MARCHF11: variants seen among roughly 807,000 people sequenced by gnomAD.
The protein encoded by MARCHF11 is membrane associated ring-CH-type finger 11.
A neutral mutation model predicts 37.3 loss-of-function variants in MARCHF11; 29 were observed. That is an observed-to-expected ratio of 0.78 (90% CI 0.58 to 1.06). MARCHF11 has a LOEUF of 1.06. Among genes scored for constraint, MARCHF11 ranks in the 50% least tolerant of loss-of-function variants. The pLI, the probability that MARCHF11 is intolerant of heterozygous loss-of-function variation, is 0.00. For missense variants in MARCHF11, 482 were observed against 533.4 expected, an observed-to-expected ratio of 0.90 and a Z score of 0.95; for synonymous variants, 233 against 228.0, an observed-to-expected ratio of 1.02 and a Z score of -0.20.
intron 2 of MARCHF11, among the ~76,000 whole-genome samples, chr5:16,144,599 T>G (rs576479387): frequency 6.6e-6 from 1 of 152,198 alleles, no homozygotes. Flanking sequence ...TGCATTCTGA[T>G]TCTTAATCAA....
chr5:16,136,197 GAACA>G (rs1737610573), intron 2 of MARCHF11, among the ~76,000 whole-genome samples: 2 of 151,670 alleles, frequency 1.3e-5, no homozygotes, highest in African/African-American at 2.4e-5. Flanking sequence ...AAAGAAAACA[GAACA>G]AATAGGACTA....
At position 16,121,908 on chromosome 5, in the gene MARCHF11, G is replaced by A. The variant is rs142341563; in HGVS notation, c.694-30827C>T. On this transcript the variant is annotated intron_variant, in intron 2 of 3. Transcript: ENST00000332432. ...ACAGTGCTAACACTTTTGAGCAACC[G>A]CACTCTGCCAGGTACTAGTCTATGT... Among the ~76,000 whole-genome samples, 560 of 152,206 alleles carry A rather than the reference G, an allele frequency of 3.7e-3. 4 individuals are homozygous for A. The highest frequency in any genetic ancestry group is 0.013 in the African/African-American group (541 of 41,514).
chr5:16,156,707 T>C (rs1386974578), intron 2 of MARCHF11, among the ~76,000 whole-genome samples: 1 of 151,882 alleles, frequency 6.6e-6, no homozygotes. Context: ...ATTAAGTGAT[T>C]TCGTCCTTGT....
intron 2 of MARCHF11, among the ~76,000 whole-genome samples, chr5:16,093,104 GA>G (rs1315976377): frequency 6.6e-6 from 1 of 152,166 alleles, no homozygotes; most frequent in Non-Finnish European, 1.5e-5. Flanking sequence ...ACATCAGATA[GA>G]TGAAAAACAA....
chr5:16,134,618 CA>C (rs1446471181), intron 2 of MARCHF11, among the ~76,000 whole-genome samples: 1 of 151,944 alleles, frequency 6.6e-6, no homozygotes, highest in African/African-American at 2.4e-5. Context: ...AAATTATCAC[CA>C]AAAAAATTAT....
chr5:16,178,624 G>T (rs1322780659), intron 1 of MARCHF11, among the ~76,000 whole-genome samples: 3 of 152,206 alleles, frequency 2.0e-5, no homozygotes, highest in Non-Finnish European at 4.4e-5. Context: ...GAAAGACTCT[G>T]CCCTTTCTGG....
intron 2 of MARCHF11, among the ~76,000 whole-genome samples, chr5:16,160,329 A>AT: frequency 3.7e-4 from 1 of 2,714 alleles, no homozygotes; most frequent in South Asian, 0.038. Flanking sequence ...AACATTTAAT[A>AT]ATTTAATATA....
chr5:16,097,102 C>G (rs1736881299), intron 2 of MARCHF11, among the ~76,000 whole-genome samples: 1 of 152,184 alleles, frequency 6.6e-6, no homozygotes, highest in Non-Finnish European at 1.5e-5. Context: ...AGAACACCTG[C>G]TCTTAAGAGG....
intron 2 of MARCHF11, among the ~76,000 whole-genome samples, chr5:16,156,288 A>G (rs1737976762): frequency 6.6e-6 from 1 of 151,922 alleles, no homozygotes; most frequent in South Asian, 2.1e-4. Context: ...TCTTACTTCT[A>G]AAGTACTGGC....
intron 1 of MARCHF11, among the ~76,000 whole-genome samples, chr5:16,178,321 T>C: frequency 6.6e-6 from 1 of 152,344 alleles, no homozygotes; most frequent in Middle Eastern, 3.4e-3. Context: ...ACTATATTCC[T>C]GAAAGCCTGT....
intron 2 of MARCHF11, among the ~76,000 whole-genome samples, chr5:16,097,462 T>C (rs13171582): frequency 0.3 from 45,145 of 151,972 alleles, 7,946 homozygotes; most frequent in East Asian, 0.58. Context: ...TTAGAAAACA[T>C]AGAACCATTT....
At chr5:16,118,952 T>C (rs192225532) in intron 2 of MARCHF11, among the ~76,000 whole-genome samples, 84 of 151,976 alleles carry the variant, frequency 5.5e-4, no homozygotes, top group Admixed American at 7.2e-4. Context: ...CAAGGGAAGG[T>C]TTGTCTGTTA....
intron 2 of MARCHF11, among the ~76,000 whole-genome samples, chr5:16,109,233 C>A (rs577883719): frequency 6.6e-6 from 1 of 151,994 alleles, no homozygotes; most frequent in Non-Finnish European, 1.5e-5. Context: ...AATAAGATGA[C>A]TGGTGGCTCC....
intron 2 of MARCHF11, among the ~76,000 whole-genome samples, chr5:16,105,474 A>G (rs550737149): frequency 1.3e-5 from 2 of 152,232 alleles, no homozygotes; most frequent in South Asian, 2.1e-4. Flanking sequence ...TTTCCTCACT[A>G]AAGAGATCTT....
chr5:16,097,036 T>C (rs972074575), intron 2 of MARCHF11, among the ~76,000 whole-genome samples: 5 of 152,182 alleles, frequency 3.3e-5, no homozygotes, highest in East Asian at 1.9e-4. Flanking sequence ...ATTTATAGTA[T>C]GATGATTTAT....
intron 2 of MARCHF11, among the ~76,000 whole-genome samples, chr5:16,164,769 A>G (rs894609839): frequency 1.3e-5 from 2 of 152,092 alleles, no homozygotes; most frequent in African/African-American, 4.8e-5. Flanking sequence ...CTTTAAAGGC[A>G]TCTTTCAAAT....
At chr5:16,075,025 T>C (rs750491799) in intron 3 of MARCHF11, among the ~76,000 whole-genome samples, 13 of 152,198 alleles carry the variant, frequency 8.5e-5, no homozygotes, top group Non-Finnish European at 1.2e-4. Flanking sequence ...AAGAACAAGA[T>C]GGCAAAGCCC....
At chr5:16,173,180 C>T (rs1053303525) in intron 2 of MARCHF11, among the ~76,000 whole-genome samples, 4 of 152,310 alleles carry the variant, frequency 2.6e-5, no homozygotes, top group African/African-American at 7.2e-5. Context: ...GGCAGGCCTT[C>T]GGTGCTCCAA....
intron 2 of MARCHF11, among the ~76,000 whole-genome samples, chr5:16,154,576 A>G (rs564408059): frequency 3.9e-5 from 6 of 151,916 alleles, no homozygotes; most frequent in Non-Finnish European, 8.8e-5. Context: ...AGCAACTGAC[A>G]GACCAAGCTG....
Sources: allele counts gnomAD v4.1 joint callset (sites outside exome capture counted in the v4.1 genomes callset), GRCh38; gene constraint gnomAD v4.1.1; transcripts MANE v1.5; gene names NCBI Gene and HGNC (gene_info 2026-07-23, HGNC 2026-07-21).